ACTN1: variants seen among roughly 807,000 people sequenced by gnomAD.
The protein encoded by ACTN1 is actinin alpha 1, also known as alpha-actinin-1.
ACTN1 carries 30 observed loss-of-function variants against 119.6 expected under a neutral mutation model. That is an observed-to-expected ratio of 0.25 (90% CI 0.19 to 0.34). The LOEUF (loss-of-function observed/expected upper bound fraction) is 0.34, where lower values mean the gene tolerates loss of function less well. Ranked by LOEUF, ACTN1 falls within the 10% of genes least tolerant of loss-of-function variation. The probability of loss-of-function intolerance (pLI) is 1.00; values close to 1 mark genes in which losing one functional copy is unlikely to be tolerated. For synonymous variants in ACTN1, 429 were observed against 472.6 expected, an observed-to-expected ratio of 0.91 and a Z score of 1.20; for missense variants, 764 against 1,223.4, an observed-to-expected ratio of 0.62 and a Z score of 5.60.
In ACTN1 at chr14:68,925,020, G is replaced by A. The variant is rs1284240945; in HGVS notation, c.220+538C>T. On this transcript the variant is annotated intron_variant, in intron 2 of 21. Coordinates refer to ENST00000394419, the MANE Select transcript of ACTN1 (RefSeq NM_001130004.2). The surrounding 1 kb of genome is among the most constrained non-coding windows in gnomAD (Gnocchi z 4.3). Reference sequence around the variant, plus strand: ...AGGTCTAAGGCTCACCGGCATCAAGGTGAAGAGAGTAGCTAACATGGCCCA... The same window carrying A: ...AGGTCTAAGGCTCACCGGCATCAAGATGAAGAGAGTAGCTAACATGGCCCA... Among the ~76,000 whole-genome samples, 1 of 152,176 alleles carries A rather than the reference G, an allele frequency of 6.6e-6. No homozygotes were observed. The highest frequency in any genetic ancestry group is 1.5e-5 in the Non-Finnish European group (1 of 68,034).
chr14:68,974,421 T>A (rs1426012620), intron 1 of ACTN1, among the ~76,000 whole-genome samples: 5 of 152,040 alleles, frequency 3.3e-5, no homozygotes, highest in South Asian at 2.1e-4. Context: ...AACATAAATT[T>A]AAAAATTTTA....
chr14:68,914,805 C>A (rs1355986117), intron 3 of ACTN1, among the ~76,000 whole-genome samples: 1 of 152,078 alleles, frequency 6.6e-6, no homozygotes, highest in Non-Finnish European at 1.5e-5. Context: ...AACAAAAAAA[C>A]CCAAAGTTGA....
In ACTN1 at chr14:68,884,254, G is replaced by A. The variant is rs759753830; in HGVS notation, c.1549C>T (p.Arg517Trp). Residue 517 changes from arginine to tryptophan, a missense_variant, in exon 14 of 22, where the codon CGG becomes TGG. Around this residue, in one of 4 missense-constraint regions of ACTN1, gnomAD observed 544 missense variants for 912.0 expected, o/e 0.60. Coordinates refer to ENST00000394419, the MANE Select transcript of ACTN1 (RefSeq NM_001130004.2). ...IDQLYLEYAK[R>W]AAPFNNWMEG... ...ATCCAGTTGTTGAAGGGTGCAGCCCGCTTGGCATACTCCAAGTACAGCTGG... is the reference window on the plus strand; with the variant it reads ...ATCCAGTTGTTGAAGGGTGCAGCCCACTTGGCATACTCCAAGTACAGCTGG... The A allele has an allele frequency of 8.7e-6, 14 of 1,614,050 alleles. No homozygotes were observed. Among genetic ancestry groups the A allele is most frequent in the Admixed American group, 3.3e-5 (2 of 60,010 alleles).
rs765836810 is a variant in ACTN1, at chr14:68,920,989, C to A, written c.340+17G>T. The A allele has an allele frequency of 1.4e-5, 22 of 1,613,410 alleles. No homozygotes were observed. The highest frequency in any genetic ancestry group is 1.9e-5 in the Non-Finnish European group (22 of 1,179,628). ...AAGAAAATCAGGCTCCTTGGGGCCA[C>A]CAGAGGTAGGCCTTACCTTCGGCTC... On this transcript the variant is annotated intron_variant, in intron 3 of 21. Coordinates refer to ENST00000394419, the MANE Select transcript of ACTN1 (RefSeq NM_001130004.2).
At position 68,882,448 on chromosome 14, in the gene ACTN1, T is replaced by C. The variant is rs771663058; in HGVS notation, c.1953+10A>G. ...GGAGCCCCAGCACTGCTTCCCAGCA[T>C]GGGACCCACCTCCATCTTGGTCTGG... On this transcript the variant is annotated intron_variant, in intron 16 of 21. Coordinates refer to ENST00000394419, the MANE Select transcript of ACTN1 (RefSeq NM_001130004.2). The surrounding 1 kb of genome is among the most constrained non-coding windows in gnomAD (Gnocchi z 4.5). 6.2e-7 allele frequency: 1 copy of C among 1,613,794 alleles called. No individual in the cohort carries two copies. The highest frequency in any genetic ancestry group is 1.1e-5 in the South Asian group (1 of 91,060).
At chr14:68,890,109 G>T (rs372305135) in intron 11 of ACTN1, 30 bp downstream of exon 11, 10 of 1,599,894 alleles carry the variant, frequency 6.3e-6, no homozygotes, top group Admixed American at 1.8e-5. Flanking sequence ...TGAAGCCCTG[G>T]GGGGAGGCAG....
chr14:68,959,326 G>A (rs1304785758), intron 1 of ACTN1, among the ~76,000 whole-genome samples: 1 of 152,180 alleles, frequency 6.6e-6, no homozygotes, highest in Non-Finnish European at 1.5e-5. Context: ...GGCTTTCAAT[G>A]GGAGCTGATT....
At chr14:68,978,921 G>GGGGCTGT in intron 1 of ACTN1, 31 bp downstream of exon 1, 1 of 1,457,818 alleles carries the variant, frequency 6.9e-7, no homozygotes, top group Non-Finnish European at 9.3e-7. Flanking sequence ...CTGGGGGCTG[G>GGGGCTGT]GGGCTGCAGC....
intron 1 of ACTN1, among the ~76,000 whole-genome samples, chr14:68,950,882 C>A (rs1462018693): frequency 6.6e-6 from 1 of 152,132 alleles, no homozygotes; most frequent in Non-Finnish European, 1.5e-5. Flanking sequence ...AAACTTTTAT[C>A]ATAAAACAAA....
intron 1 of ACTN1, among the ~76,000 whole-genome samples, chr14:68,956,245 C>T (rs1025088643): frequency 9.2e-5 from 14 of 152,110 alleles, no homozygotes; most frequent in African/African-American, 3.4e-4. Flanking sequence ...GGAGGGGGAT[C>T]GCTTAAGTCC....
chr14:68,928,755 C>T (rs1244707302), intron 1 of ACTN1, among the ~76,000 whole-genome samples: 1 of 152,176 alleles, frequency 6.6e-6, no homozygotes, highest in African/African-American at 2.4e-5. Context: ...ATCCCGGGAC[C>T]AGGTCTCAGA....
At chr14:68,923,958 C>T (rs1487865019) in intron 2 of ACTN1, among the ~76,000 whole-genome samples, 7 of 152,158 alleles carry the variant, frequency 4.6e-5, no homozygotes, top group Non-Finnish European at 1.0e-4. Flanking sequence ...GGGATGGCGG[C>T]ACATGCTCCA....
chr14:68,888,499 A>G (rs1267223248), intron 11 of ACTN1, among the ~76,000 whole-genome samples: 1 of 152,090 alleles, frequency 6.6e-6, no homozygotes, highest in Non-Finnish European at 1.5e-5. Flanking sequence ...GCAACCTCTT[A>G]CCATTGTGTG....
chr14:68,959,306 C>T (rs1164364462), intron 1 of ACTN1, among the ~76,000 whole-genome samples: 1 of 152,202 alleles, frequency 6.6e-6, no homozygotes, highest in Non-Finnish European at 1.5e-5. Flanking sequence ...TGATTTAACA[C>T]CATACCTGTG....
intron 3 of ACTN1, among the ~76,000 whole-genome samples, chr14:68,917,071 C>G (rs535425944): frequency 5.5e-4 from 84 of 152,302 alleles, no homozygotes; most frequent in Non-Finnish European, 2.5e-4. Context: ...GCCCAAAGAC[C>G]TTAAAATACA....
intron 1 of ACTN1, among the ~76,000 whole-genome samples, chr14:68,933,951 T>A (rs1410749843): frequency 2.7e-5 from 4 of 146,372 alleles, no homozygotes; most frequent in Non-Finnish European, 4.5e-5. Flanking sequence ...CAGTCCAACC[T>A]GGGGTGACAG....
intron 1 of ACTN1, among the ~76,000 whole-genome samples, chr14:68,949,373 A>T (rs996936431): frequency 1.3e-5 from 2 of 152,182 alleles, no homozygotes; most frequent in African/African-American, 4.8e-5. Flanking sequence ...GCACCACAAG[A>T]TTCCAAAACT....
At chr14:68,928,389 C>A (rs970679921) in intron 1 of ACTN1, among the ~76,000 whole-genome samples, 1 of 152,114 alleles carries the variant, frequency 6.6e-6, no homozygotes, top group Admixed American at 6.5e-5. Context: ...TAGATTACTG[C>A]CTTGAAGGGG....
intron 9 of ACTN1, among the ~76,000 whole-genome samples, 186 bp downstream of exon 9, chr14:68,893,469 G>C (rs1286745147): frequency 1.3e-5 from 2 of 152,190 alleles, no homozygotes; most frequent in Non-Finnish European, 2.9e-5. Context: ...TCAGGGACTG[G>C]CCTCTGCCCC....
Sources: allele counts gnomAD v4.1 joint callset (sites outside exome capture counted in the v4.1 genomes callset), GRCh38; gene constraint gnomAD v4.1.1; regional missense constraint gnomAD v4.1.1; non-coding constraint Gnocchi (gnomAD v3.1); transcripts MANE v1.5; gene names NCBI Gene and HGNC (gene_info 2026-07-23, HGNC 2026-07-21).